LRRC7: variants seen among roughly 807,000 people sequenced by gnomAD.
LRRC7 encodes the protein leucine rich repeat containing 7.
LRRC7 carries 23 observed loss-of-function variants against 175.7 expected under a neutral mutation model. The ratio of observed to expected loss-of-function variants is 0.13; its 90% CI spans 0.09 to 0.19. LRRC7 has a LOEUF of 0.19. Among genes scored for constraint, LRRC7 ranks in the 10% least tolerant of loss-of-function variants. The pLI, the probability that LRRC7 is intolerant of heterozygous loss-of-function variation, is 1.00. For missense variants in LRRC7, 1,354 were observed against 1,904.7 expected (o/e 0.71, Z 5.38); for synonymous variants, 685 against 680.9 (o/e 1.01, Z -0.09).
intron 8 of LRRC7, among the ~76,000 whole-genome samples, chr1:69,950,537 T>G (rs1649810511): frequency 6.6e-6 from 1 of 152,064 alleles, no homozygotes; most frequent in African/African-American, 2.4e-5. Context: ...TGACAAATAG[T>G]CTCAAAAATT....
At chr1:69,668,310 G>A (rs367577271) in intron 1 of LRRC7, among the ~76,000 whole-genome samples, 34 of 150,664 alleles carry the variant, frequency 2.3e-4, no homozygotes, top group Non-Finnish European at 4.0e-4. Context: ...CCCATCCCCC[G>A]ACAGGCCGCA....
At chr1:69,879,220 A>AAAAC (rs1686335128) in intron 7 of LRRC7, among the ~76,000 whole-genome samples, 1 of 122,092 alleles carries the variant, frequency 8.2e-6, no homozygotes, top group Non-Finnish European at 1.8e-5. Context: ...TTTAAAAAAA[A>AAAAC]AAAAAAAAAA....
chr1:69,597,613 A>G (rs1646895723), intron 1 of LRRC7, among the ~76,000 whole-genome samples: 1 of 152,164 alleles, frequency 6.6e-6, no homozygotes, highest in South Asian at 2.1e-4. Flanking sequence ...CGTAGCACCT[A>G]AGAAAATGCC....
intron 9 of LRRC7, among the ~76,000 whole-genome samples, chr1:69,985,729 C>A (rs557472329): frequency 6.6e-6 from 1 of 152,208 alleles, no homozygotes; most frequent in South Asian, 2.1e-4. Context: ...TGGAATCATA[C>A]AATGTGTGGT....
At chr1:70,100,188 T>TA (rs1192673638) in intron 25 of LRRC7, among the ~76,000 whole-genome samples, 3 of 152,098 alleles carry the variant, frequency 2.0e-5, no homozygotes, top group Non-Finnish European at 2.9e-5. Context: ...TTTTAGCACT[T>TA]ACGTTCAAAT....
chr1:69,968,050 A>G (rs541148644), intron 8 of LRRC7, among the ~76,000 whole-genome samples: 1 of 152,304 alleles, frequency 6.6e-6, no homozygotes, highest in Admixed American at 6.5e-5. Context: ...GGAAATCAAA[A>G]AAATGATACA....
At chr1:69,720,010 C>T (rs946253701) in intron 2 of LRRC7, among the ~76,000 whole-genome samples, 2 of 151,588 alleles carry the variant, frequency 1.3e-5, no homozygotes, top group Admixed American at 6.6e-5. Flanking sequence ...CTTATATTTA[C>T]AATCTCTTGT....
chr1:69,740,016 A>G (rs1227823654), intron 2 of LRRC7, among the ~76,000 whole-genome samples: 3 of 152,102 alleles, frequency 2.0e-5, no homozygotes, highest in African/African-American at 7.2e-5. Flanking sequence ...AAAGGAAGAA[A>G]GCAACCAAAG....
chr1:69,663,226 A>G (rs960087687), intron 1 of LRRC7, among the ~76,000 whole-genome samples: 17 of 152,248 alleles, frequency 1.1e-4, no homozygotes, highest in African/African-American at 3.9e-4. Context: ...AGTCATATGT[A>G]TGTTCAACAG....
At chr1:69,960,416 A>G (rs1394784214) in intron 8 of LRRC7, among the ~76,000 whole-genome samples, 1 of 151,886 alleles carries the variant, frequency 6.6e-6, no homozygotes, top group African/African-American at 2.4e-5. Context: ...TGTTTTATTA[A>G]GTTTTTCAAA....
intron 7 of LRRC7, among the ~76,000 whole-genome samples, chr1:69,866,960 G>A (rs566469094): frequency 1.1e-4 from 17 of 152,124 alleles, no homozygotes; most frequent in Non-Finnish European, 2.2e-4. Context: ...CTCACAGTAG[G>A]AGTAAAATGT....
chr1:69,662,321 A>C (rs945772437), intron 1 of LRRC7, among the ~76,000 whole-genome samples: 6 of 152,190 alleles, frequency 3.9e-5, no homozygotes, highest in Admixed American at 1.3e-4. Flanking sequence ...ACAAAAGGTA[A>C]AATCTAGATT....
intron 7 of LRRC7, among the ~76,000 whole-genome samples, chr1:69,884,952 C>G (rs1687021672): frequency 6.7e-6 from 1 of 149,890 alleles, no homozygotes; most frequent in South Asian, 2.1e-4. Flanking sequence ...AGCCTTGCAT[C>G]ACAGGGATGA....
intron 7 of LRRC7, among the ~76,000 whole-genome samples, chr1:69,885,466 C>G (rs1687088326): frequency 7.0e-6 from 1 of 142,512 alleles, no homozygotes; most frequent in Admixed American, 6.8e-5. Flanking sequence ...GGTGATATCC[C>G]CTTTATCATT....
In LRRC7 at chr1:70,008,879, G is replaced by A. The variant is rs147091308; in HGVS notation, c.1005-2918G>A. 2.4e-3 allele frequency among the ~76,000 whole-genome samples: 364 copies of A among 152,244 alleles called. 1 individual carries two copies. Among genetic ancestry groups the A allele is most frequent in the Non-Finnish European group, 3.9e-3 (262 of 68,020 alleles). ...AGACTTTGAAGGAAGTGACGTGACC[G>A]GTCACTGATCACAATGTACATCTGT... On this transcript the variant is annotated intron_variant, in intron 11 of 26. Coordinates refer to ENST00000651989, the MANE Select transcript of LRRC7 (RefSeq NM_001370785.2).
chr1:69,925,253 G>A (rs968271522), intron 7 of LRRC7, among the ~76,000 whole-genome samples: 13 of 152,072 alleles, frequency 8.5e-5, no homozygotes, highest in African/African-American at 2.9e-4. Flanking sequence ...ATATTGGTCT[G>A]TAATTCTCTT....
At chr1:69,896,471 C>T (rs1431411980) in intron 7 of LRRC7, among the ~76,000 whole-genome samples, 1 of 152,028 alleles carries the variant, frequency 6.6e-6, no homozygotes, top group Non-Finnish European at 1.5e-5. Context: ...CACAGATGGT[C>T]AGTATATGAA....
In LRRC7 at chr1:69,938,995, TTA is replaced by T. The variant is rs71583104; in HGVS notation, c.711+7443_711+7444del. 2.8e-4 allele frequency among the ~76,000 whole-genome samples: 27 copies of T among 97,550 alleles called. 1 individual carries two copies. Among genetic ancestry groups the T allele is most frequent in the Admixed American group, 4.3e-4 (4 of 9,360 alleles). The allele number at this position is 97,550 out of a possible 152,430, so 64.0% of individuals were successfully genotyped here. On this transcript the variant is annotated intron_variant, in intron 8 of 26. Transcript: ENST00000651989. ...TTTGTAAAGCCACTAAGGCTGTAGA[TTA>T]TATATATATATATATATCTATATAT...
At chr1:69,886,245 G>A (rs1006981306) in intron 7 of LRRC7, among the ~76,000 whole-genome samples, 1 of 151,700 alleles carries the variant, frequency 6.6e-6, no homozygotes, top group African/African-American at 2.4e-5. Flanking sequence ...TTAATGTGTG[G>A]GAGTCTAAGT....
Sources: gnomAD v4.1 joint callset for allele counts (sites outside exome capture counted in the v4.1 genomes callset) on GRCh38, gnomAD v4.1.1 for gene constraint, MANE v1.5 for transcripts, NCBI Gene and HGNC (gene_info 2026-07-23, HGNC 2026-07-21) for gene names.